Variants in ZNF540 observed in about 807,000 individuals in gnomAD.
ZNF540 encodes the protein zinc finger protein 540.
In ZNF540, 3 loss-of-function variants were observed where a neutral mutation model predicts 11.8. That is an observed-to-expected ratio of 0.25 (90% confidence interval 0.12 to 0.65). ZNF540 has a LOEUF of 0.65. Among genes scored for constraint, ZNF540 ranks in the 30% least tolerant of loss-of-function variants. The probability of loss-of-function intolerance (pLI) is 0.83; values close to 1 mark genes in which losing one functional copy is unlikely to be tolerated. For synonymous variants in ZNF540, 247 were observed against 259.0 expected, an observed-to-expected ratio of 0.95 and a Z score of 0.45; for missense variants, 709 against 793.1, an observed-to-expected ratio of 0.89 and a Z score of 1.27.
chr19:37,560,791 T>G (rs991227398), intron 1 of ZNF540: 1 of 152,172 alleles, frequency 6.6e-6, no homozygotes, highest in Admixed American at 6.5e-5. Context: ...TAATTCTGAT[T>G]AGTGTACATT....
chr19:37,601,104 C>A lies in ZNF540; in HGVS notation c.231C>A (p.Pro77=). The part of the protein sequence containing the change: ...VARDVTGRQC[P]GLLSRHKTKK... ...GGGATGTGACAGGAAGACAGTGCCC[C>A]GGTGAGTTGAGAGTTCATCAGGCAG... The change falls in exon 4 of 5, where the codon CCC becomes CCA. Residue 77 remains proline (P), a splice_region_variant and synonymous_variant. Transcript: ENST00000316433. 1 of 1,571,610 alleles carries A rather than the reference C, an allele frequency of 6.4e-7. No individual in the cohort carries two copies. The highest frequency in any genetic ancestry group is 2.4e-5 in the East Asian group (1 of 42,402).
chr19:37,598,368 T>G lies in ZNF540; in HGVS notation c.-72-8T>G. ...CTCACTGTCTCATTTTTTTCTCCTC[T>G]AACTCAGGCTTCTCAGAACTTTGCT... is the stretch of plus-strand genomic sequence containing the variant. On this transcript the variant is annotated splice_region_variant and splice_polypyrimidine_tract_variant and intron_variant, in intron 1 of 4. Coordinates refer to ENST00000316433, the MANE Select transcript of ZNF540 (RefSeq NM_001172225.3). 1 of 1,509,058 alleles carries G rather than the reference T, an allele frequency of 6.6e-7. No individual in the cohort carries two copies. Among genetic ancestry groups the G allele is most frequent in the African/African-American group, 1.4e-5 (1 of 72,094 alleles). The allele number at this position is 1,509,058 out of a possible 1,614,324, so 93.5% of individuals were successfully genotyped here.
rs1168780190 is a variant in ZNF540 at position 37,586,710 on chromosome 19, TCTC to T, written c.-72-11663_-72-11661del. The T allele has an allele frequency of 5.6e-6, 9 of 1,613,726 alleles. No homozygotes were observed. The African/African-American group carries it at 9.3e-5, about 17-fold the overall frequency. ...AGAACTGATCAATTTTCTGGGTTCTTCTCCTGGAGGTGTGCAAAGTCCAGAGAA... is the reference window on the plus strand; with the variant it reads ...AGAACTGATCAATTTTCTGGGTTCTTCTGGAGGTGTGCAAAGTCCAGAGAA... On this transcript the variant is annotated intron_variant, in intron 1 of 4. Coordinates refer to the ZNF540 transcript ENST00000592533.
intron 1 of ZNF540, chr19:37,564,964 T>C: frequency 6.2e-7 from 1 of 1,613,782 alleles, no homozygotes; most frequent in Non-Finnish European, 8.5e-7. Flanking sequence ...GATATGTAAG[T>C]TGTGTAGCAC....
rs1009027696 is a variant in ZNF540, at chr19:37,595,283, A to G, written c.-73+188A>G. On this transcript the variant is annotated intron_variant, in intron 1 of 4. Transcript: ENST00000316433. ...TGTGGGTGCAGAGTGGGTAGTGGCC[A>G]TGCCTGTGTGATGTGCGTCAGATTA... 4 of 152,338 alleles carry G rather than the reference A, an allele frequency of 2.6e-5. 1 individual carries two copies. The highest frequency in any genetic ancestry group is 5.9e-5 in the Non-Finnish European group (4 of 68,208). The allele number at this position is 152,338 out of a possible 1,614,324, so 9.4% of individuals were successfully genotyped here.
chr19:37,607,309 T>C (rs554481505), intron 4 of ZNF540, among the ~76,000 whole-genome samples: 3 of 152,292 alleles, frequency 2.0e-5, no homozygotes, highest in Admixed American at 6.5e-5. Context: ...TAAACCTACA[T>C]TGACACATCA....
chr19:37,555,598 T>G, intron 1 of ZNF540: 1 of 345,636 alleles, frequency 2.9e-6, no homozygotes, highest in Non-Finnish European at 5.3e-6. Flanking sequence ...ACTTTTGGAG[T>G]GTATCTTTTA....
chr19:37,568,300 TAAAAAC>T (rs771625063), intron 1 of ZNF540, among the ~76,000 whole-genome samples: 3 of 143,802 alleles, frequency 2.1e-5, no homozygotes, highest in Non-Finnish European at 3.0e-5. Context: ...AAAGAAATGA[TAAAAAC>T]AAAAGCAACT....
At chr19:37,574,977 C>G (rs974725257) in intron 1 of ZNF540, among the ~76,000 whole-genome samples, 2 of 152,184 alleles carry the variant, frequency 1.3e-5, no homozygotes, top group African/African-American at 4.8e-5. Flanking sequence ...TTACCCAATC[C>G]TTTACATTTT....
chr19:37,552,730 T>C (rs1369088560), intron 1 of ZNF540, among the ~76,000 whole-genome samples: 1 of 152,140 alleles, frequency 6.6e-6, no homozygotes, highest in African/African-American at 2.4e-5. Flanking sequence ...GTGGGATCAC[T>C]TGGAGTCAGG....
chr19:37,613,255 G>GA lies in ZNF540; in HGVS notation c.1975_1976insA (p.Val659AspfsTer5). The GA allele has an allele frequency of 6.7e-7, 1 of 1,490,064 alleles. No individual in the cohort carries two copies. Among genetic ancestry groups the GA allele is most frequent in the East Asian group, 2.3e-5 (1 of 43,766 alleles). The allele number at this position is 1,490,064 out of a possible 1,614,324, so 92.3% of individuals were successfully genotyped here. On this transcript the variant is annotated frameshift_variant, in exon 5 of 5. Transcript: ENST00000316433. LOFTEE classifies it high-confidence loss of function. ...TTATCAACATCAGAAAACTCATAAT[G>GA]TAATTTAATATAAGAAAAGGTTTCC...
intron 1 of ZNF540, among the ~76,000 whole-genome samples, chr19:37,589,822 G>A (rs144456274): frequency 0.029 from 3,459 of 118,770 alleles, 158 homozygotes; most frequent in African/African-American, 0.11. Flanking sequence ...CCAAGATCGC[G>A]CCACTGCACT....
chr19:37,605,360 A>G (rs955713033), intron 4 of ZNF540, among the ~76,000 whole-genome samples: 2 of 152,034 alleles, frequency 1.3e-5, no homozygotes, highest in South Asian at 4.2e-4. Flanking sequence ...TTAAAAAAAA[A>G]GAAACTGGGC....
chr19:37,556,145 GC>G (rs1292484038), intron 1 of ZNF540: 73 of 702,306 alleles, frequency 1.0e-4, no homozygotes, highest in Non-Finnish European at 1.7e-4. Context: ...GTTGCTCTTC[GC>G]GGGTACGGGC....
intron 1 of ZNF540, among the ~76,000 whole-genome samples, chr19:37,557,808 C>A (rs534034497): frequency 6.6e-6 from 1 of 152,310 alleles, no homozygotes; most frequent in African/African-American, 2.4e-5. Flanking sequence ...AGTAAAGTCT[C>A]TATGGCATGA....
At chr19:37,586,737 A>G in intron 1 of ZNF540, 9 of 1,599,860 alleles carry the variant, frequency 5.6e-6, no homozygotes, top group Non-Finnish European at 7.7e-6. Context: ...AAGTCCAGAG[A>G]AGCCAGTGCT....
intron 1 of ZNF540, among the ~76,000 whole-genome samples, chr19:37,581,732 G>A (rs2043472194): frequency 6.6e-6 from 1 of 151,494 alleles, no homozygotes; most frequent in African/African-American, 2.4e-5. Flanking sequence ...CAAAGTACTG[G>A]GATTACAGGC....
At chr19:37,568,981 G>T (rs955046558) in intron 1 of ZNF540, among the ~76,000 whole-genome samples, 2 of 151,524 alleles carry the variant, frequency 1.3e-5, no homozygotes, top group African/African-American at 2.4e-5. Flanking sequence ...TTTTGAGATG[G>T]AGTCTCGCTC....
At position 37,576,034 on chromosome 19, in the gene ZNF540, T is replaced by A. The variant is rs183459146; in HGVS notation, c.-72-22342T>A. 6.0e-5 allele frequency among the ~76,000 whole-genome samples: 9 copies of A among 150,672 alleles called. No homozygotes were observed. The East Asian group carries it at 1.5e-3, about 26-fold the overall frequency. The stretch of plus-strand genomic sequence containing the variant: ...GTATTTATTAACTACAGGTAAGGCA[T>A]ACATGCATACACACACACACACACA... On this transcript the variant is annotated intron_variant, in intron 1 of 4. Transcript: ENST00000592533.
Sources: gnomAD v4.1 joint callset for allele counts (sites outside exome capture counted in the v4.1 genomes callset) on GRCh38, gnomAD v4.1.1 for gene constraint, MANE v1.5 for transcripts, NCBI Gene and HGNC (gene_info 2026-07-23, HGNC 2026-07-21) for gene names.